Variants in WDR7 observed in about 807,000 individuals in gnomAD.
The protein encoded by WDR7 is WD repeat domain 7, also known as WD repeat-containing protein 7.
In WDR7, 46 loss-of-function variants were observed where a neutral mutation model predicts 169.4. The observed-to-expected ratio is 0.27, with a 90% CI of 0.21 to 0.35. WDR7 has a LOEUF of 0.35. WDR7 is among the 10% of genes least tolerant of loss of function. The pLI is 1.00. For missense variants in WDR7, 1,534 were observed against 1,859.3 expected (o/e 0.83, Z 3.22); for synonymous variants, 612 against 666.8 (o/e 0.92, Z 1.27).
At chr18:56,751,793 C>G (rs2043797486) in intron 14 of WDR7, among the ~76,000 whole-genome samples, 1 of 152,144 alleles carries the variant, frequency 6.6e-6, no homozygotes, top group African/African-American at 2.4e-5. Context: ...AGCATAGTGT[C>G]TGACATTACT....
At chr18:56,911,921 T>C (rs560595668) in intron 21 of WDR7, among the ~76,000 whole-genome samples, 1 of 152,368 alleles carries the variant, frequency 6.6e-6, no homozygotes, top group Admixed American at 6.5e-5. Flanking sequence ...TTATGTACTT[T>C]TTAATAATAC....
Position 56,691,963 on chromosome 18 carries a change from T to C in WDR7, c.966+146T>C. ...TAAAACATTTTGAGATGGTCAGTTATAAGGACATTTCAAAATCTGCTTGTT... is the reference window on the plus strand; with the variant it reads ...TAAAACATTTTGAGATGGTCAGTTACAAGGACATTTCAAAATCTGCTTGTT... On this transcript the variant is annotated intron_variant, in intron 9 of 27. Transcript: ENST00000254442. 5.5e-6 allele frequency: 3 copies of C among 546,026 alleles called. No individual in the cohort carries two copies. In the East Asian group the frequency reaches 9.5e-5, roughly 17 times the overall value. The allele number at this position is 546,026 out of a possible 1,614,324, so 33.8% of individuals were successfully genotyped here. A position where few individuals can be genotyped will look rare whatever the true frequency, so the allele number is the denominator to read the frequency against.
At position 56,722,280 on chromosome 18, in the gene WDR7, A is replaced by G. The variant is rs550740200; in HGVS notation, c.1774+4121A>G. On this transcript the variant is annotated intron_variant, in intron 13 of 27. Transcript: ENST00000254442. ...TCATGCTTTTATTTTGATACATTTA[A>G]ATTGATGTTTTTCTCTTGTTACTAA... 3.3e-5 allele frequency among the ~76,000 whole-genome samples: 5 copies of G among 152,294 alleles called. No individual in the cohort carries two copies. In the South Asian group the frequency reaches 1.0e-3, roughly 32 times the overall value.
Position 56,939,924 on chromosome 18 carries a change from T to TTA in WDR7, c.4064+540_4064+541dup, listed in dbSNP as rs1231081683. 7.3e-5 allele frequency among the ~76,000 whole-genome samples: 11 copies of TTA among 151,018 alleles called. No individual in the cohort carries two copies. The South Asian group carries it at 1.0e-3, about 14-fold the overall frequency. On this transcript the variant is annotated intron_variant, in intron 25 of 27. Coordinates refer to ENST00000254442, the MANE Select transcript of WDR7 (RefSeq NM_015285.3). ...TGCATTTGCTAAGTATAACTATAAA[T>TTA]TATATATATACATAATTTAATAATT...
chr18:56,747,481 C>T (rs922558468), intron 14 of WDR7, among the ~76,000 whole-genome samples: 1 of 152,216 alleles, frequency 6.6e-6, no homozygotes, highest in East Asian at 1.9e-4. Flanking sequence ...CAAGCTACAA[C>T]CAGCTGGAGA....
At chr18:56,968,743 G>A (rs753445047) in intron 26 of WDR7, among the ~76,000 whole-genome samples, 3 of 151,990 alleles carry the variant, frequency 2.0e-5, no homozygotes, top group Non-Finnish European at 2.9e-5. Flanking sequence ...CACCTTTACC[G>A]AGCCACTGAA....
intron 26 of WDR7, among the ~76,000 whole-genome samples, chr18:56,979,172 A>G (rs2047607746): frequency 6.6e-6 from 1 of 152,296 alleles, no homozygotes; most frequent in South Asian, 2.1e-4. Context: ...GTATAAGTAT[A>G]GATATTTGCA....
chr18:56,963,612 G>A (rs147539889), intron 26 of WDR7, among the ~76,000 whole-genome samples: 218 of 152,188 alleles, frequency 1.4e-3, no homozygotes, highest in African/African-American at 5.0e-3. Context: ...ATGTGTGAAT[G>A]TGCATTGTGC....
chr18:56,988,590 AGT>A (rs71171009), intron 26 of WDR7, among the ~76,000 whole-genome samples: 12,770 of 142,470 alleles, frequency 0.09, 788 homozygotes, highest in African/African-American at 0.19. Flanking sequence ...ATGGAAGGCA[AGT>A]GTGTGTGTGT....
At chr18:56,809,390 G>C (rs1450629674) in intron 19 of WDR7, among the ~76,000 whole-genome samples, 1 of 151,656 alleles carries the variant, frequency 6.6e-6, no homozygotes, top group African/African-American at 2.4e-5. Context: ...ACCTTTATGA[G>C]ATTTTCATCA....
At chr18:56,923,741 TTTCTC>T (rs1216246538) in intron 21 of WDR7, among the ~76,000 whole-genome samples, 176 bp from the exon 22 acceptor site, 26 of 152,334 alleles carry the variant, frequency 1.7e-4, no homozygotes, top group African/African-American at 1.7e-4. Flanking sequence ...TAGCCTAACT[TTTCTC>T]TTCAAAGAAT....
chr18:56,773,604 G>T (rs1288145370), intron 16 of WDR7, among the ~76,000 whole-genome samples: 1 of 152,044 alleles, frequency 6.6e-6, no homozygotes, highest in Non-Finnish European at 1.5e-5. Context: ...CAAACAGGTT[G>T]TTGCATTATC....
intron 1 of WDR7, among the ~76,000 whole-genome samples, chr18:56,663,221 C>A (rs12963286): frequency 0.71 from 107,655 of 152,154 alleles, 43,126 homozygotes; most frequent in East Asian, 0.96. Flanking sequence ...TACACAAATA[C>A]ACTGGGGGTT....
At chr18:56,791,368 G>A (rs1438919607) in intron 19 of WDR7, among the ~76,000 whole-genome samples, 1 of 151,984 alleles carries the variant, frequency 6.6e-6, no homozygotes, top group Non-Finnish European at 1.5e-5. Flanking sequence ...GATAAGTTCT[G>A]GCATATCTTA....
intron 19 of WDR7, among the ~76,000 whole-genome samples, chr18:56,785,870 T>G (rs2044391664): frequency 6.6e-6 from 1 of 151,456 alleles, no homozygotes; most frequent in Non-Finnish European, 1.5e-5. Context: ...CTCGCTGTGT[T>G]GTCCTGGCTG....
At chr18:56,953,910 AT>A (rs898158835) in intron 25 of WDR7, among the ~76,000 whole-genome samples, 6 of 152,236 alleles carry the variant, frequency 3.9e-5, no homozygotes, top group African/African-American at 1.4e-4. Flanking sequence ...TAATGAATCA[AT>A]GATTACTTTG....
intron 20 of WDR7, among the ~76,000 whole-genome samples, chr18:56,823,001 G>A (rs925606335): frequency 6.6e-6 from 1 of 152,132 alleles, no homozygotes; most frequent in Admixed American, 6.6e-5. Flanking sequence ...GCTTTAGTTT[G>A]TGTTGAAGGA....
In WDR7 at chr18:56,868,749, G is replaced by A. The variant is rs114793584; in HGVS notation, c.3305-11195G>A. Among the ~76,000 whole-genome samples the A allele has an allele frequency of 5.6e-3, 848 of 152,186 alleles. 11 individuals are homozygous for A. Among genetic ancestry groups the A allele is most frequent in the African/African-American group, 0.019 (804 of 41,548 alleles). ...AATATTCCTTTTCTCATGGAAATGC[G>A]AATAATGGTCTCAGTGTTACAATTT... On this transcript the variant is annotated intron_variant, in intron 20 of 27. Transcript: ENST00000254442.
chr18:57,022,662 T>G (rs911456811), intron 27 of WDR7, among the ~76,000 whole-genome samples: 6 of 152,232 alleles, frequency 3.9e-5, no homozygotes, highest in African/African-American at 7.2e-5. Flanking sequence ...TCTTCAAGGT[T>G]TTATTTGGAT....
Sources: gnomAD v4.1 joint callset for allele counts (sites outside exome capture counted in the v4.1 genomes callset) on GRCh38, gnomAD v4.1.1 for gene constraint, MANE v1.5 for transcripts, NCBI Gene and HGNC (gene_info 2026-07-23, HGNC 2026-07-21) for gene names.